Variants in CD247 observed in about 807,000 individuals in gnomAD.
CD247 encodes the protein CD247 molecule.
Under a neutral mutation model 30.0 loss-of-function variants are expected in CD247, and 13 were observed. That is an observed-to-expected ratio of 0.43 (90% CI 0.28 to 0.69). The LOEUF is 0.69. Among genes scored for constraint, CD247 ranks in the 30% least tolerant of loss-of-function variants. The pLI, the probability that CD247 is intolerant of heterozygous loss-of-function variation, is 0.16. For missense variants in CD247, 193 were observed against 212.6 expected (o/e 0.91, Z 0.57); for synonymous variants, 72 against 80.0 (o/e 0.90, Z 0.53).
At chr1:167,474,022 C>A (rs1653646981) in intron 1 of CD247, among the ~76,000 whole-genome samples, 1 of 152,128 alleles carries the variant, frequency 6.6e-6, no homozygotes, top group African/African-American at 2.4e-5. Flanking sequence ...GCCTGCTCTG[C>A]ACACCCTCTC....
At chr1:167,477,571 G>A (rs1339577368) in intron 1 of CD247, among the ~76,000 whole-genome samples, 1 of 152,164 alleles carries the variant, frequency 6.6e-6, no homozygotes, top group Admixed American at 6.5e-5. Context: ...AGGCTGGAGT[G>A]CAGTGGCGCT....
chr1:167,449,452 C>A (rs548128378), intron 1 of CD247, among the ~76,000 whole-genome samples: 5 of 151,614 alleles, frequency 3.3e-5, no homozygotes, highest in Non-Finnish European at 5.9e-5. Flanking sequence ...CCGAGCCCAG[C>A]CTTTGTGATC....
chr1:167,510,541 C>G (rs1289528246), intron 1 of CD247, among the ~76,000 whole-genome samples: 4 of 152,208 alleles, frequency 2.6e-5, no homozygotes, highest in Non-Finnish European at 4.4e-5. Context: ...CCCAGGGGAA[C>G]AGGTTGCAAC....
chr1:167,472,573 A>T (rs1336049380), intron 1 of CD247, among the ~76,000 whole-genome samples: 25 of 152,218 alleles, frequency 1.6e-4, no homozygotes, highest in Admixed American at 1.4e-3. Context: ...AGTAACAACG[A>T]AGCGAAGAAT....
At chr1:167,485,450 G>C (rs1214603) in intron 1 of CD247, among the ~76,000 whole-genome samples, 38,997 of 152,010 alleles carry the variant, frequency 0.26, 5,770 homozygotes, top group African/African-American at 0.41. Flanking sequence ...GGGTGGGGAA[G>C]CTCCCATCTT....
rs577561278 is a variant in CD247, at chr1:167,487,331, G to A, written c.58+31077C>T. ...GTGGAGGTTGCAGTGAGCCGAGATCGTGCCACTGCACTCCAGCCTGAGAGA... is the reference window on the plus strand; with the variant it reads ...GTGGAGGTTGCAGTGAGCCGAGATCATGCCACTGCACTCCAGCCTGAGAGA... On this transcript the variant is annotated intron_variant, in intron 1 of 7. Transcript: ENST00000362089. 1.3e-4 allele frequency among the ~76,000 whole-genome samples: 20 copies of A among 150,208 alleles called. No individual in the cohort carries two copies. In the South Asian group the frequency reaches 1.9e-3, roughly 14 times the overall value.
rs190037664 is a variant in CD247, at chr1:167,431,690, G to A, written c.486C>T (p.Pro162=). 5.8e-5 allele frequency: 94 copies of A among 1,613,990 alleles called. No homozygotes were observed. In the Admixed American group the frequency reaches 1.5e-3, roughly 26 times the overall value. The change falls in exon 8 of 8, where the codon CCC becomes CCT. Residue 162 remains proline, a synonymous_variant. Coordinates refer to ENST00000362089, the MANE Select transcript of CD247 (RefSeq NM_198053.3). ...TYDALHMQAL[P]PR The stretch of plus-strand genomic sequence containing the variant: ...TGAAATCCCCTGGCTGTTAGCGAGG[G>A]GGCAGGGCCTGCATGTGAAGGGCGT...
At chr1:167,503,565 A>C (rs928674647) in intron 1 of CD247, among the ~76,000 whole-genome samples, 1 of 152,258 alleles carries the variant, frequency 6.6e-6, no homozygotes, top group Non-Finnish European at 1.5e-5. Flanking sequence ...ACCCTTCTTC[A>C]GTGCACTTAA....
chr1:167,443,666 G>T (rs953235151), intron 1 of CD247, among the ~76,000 whole-genome samples: 1 of 152,138 alleles, frequency 6.6e-6, no homozygotes, highest in Non-Finnish European at 1.5e-5. Flanking sequence ...CAACACAAAG[G>T]GGCAGGGGGA....
intron 1 of CD247, 134 bp from the exon 2 acceptor site, chr1:167,440,901 G>C (rs1030407942): frequency 4.7e-5 from 33 of 698,354 alleles, no homozygotes; most frequent in Non-Finnish European, 7.8e-5. Context: ...CCATGCCTCA[G>C]CCTGATCACA....
chr1:167,451,341 G>C lies in CD247; in HGVS notation c.59-10574C>G, dbSNP rs576904039. On this transcript the variant is annotated intron_variant, in intron 1 of 7. Transcript: ENST00000362089. ...TCAAAGAAAAAATTAAAGCCAACTG[G>C]AACAAGGCAAGGTTCACAGTTGCCT... is the stretch of plus-strand genomic sequence containing the variant. 1.7e-4 allele frequency among the ~76,000 whole-genome samples: 26 copies of C among 152,248 alleles called. 2 individuals carry two copies. Among genetic ancestry groups the C allele is most frequent in the Admixed American group, 1.6e-3 (24 of 15,298 alleles).
chr1:167,501,212 C>T (rs1275517009), intron 1 of CD247, among the ~76,000 whole-genome samples: 1 of 151,998 alleles, frequency 6.6e-6, no homozygotes, highest in Non-Finnish European at 1.5e-5. Flanking sequence ...GCCACCACAC[C>T]TGGCTAATTT....
chr1:167,484,059 C>T (rs1265264690), intron 1 of CD247, among the ~76,000 whole-genome samples: 1 of 152,220 alleles, frequency 6.6e-6, no homozygotes, highest in African/African-American at 2.4e-5. Flanking sequence ...AATGGTGGGC[C>T]AGGCCGGGGG....
intron 1 of CD247, among the ~76,000 whole-genome samples, chr1:167,498,129 C>T (rs1296899671): frequency 6.6e-6 from 1 of 152,186 alleles, no homozygotes; most frequent in African/African-American, 2.4e-5. Context: ...CAGTCCTGGC[C>T]AAAGGCAGTG....
At chr1:167,465,150 C>T (rs1414695966) in intron 1 of CD247, among the ~76,000 whole-genome samples, 1 of 152,032 alleles carries the variant, frequency 6.6e-6, no homozygotes, top group Non-Finnish European at 1.5e-5. Context: ...CCTATCCAGA[C>T]AGAGAATCAT....
intron 7 of CD247, among the ~76,000 whole-genome samples, chr1:167,432,517 C>A (rs554539438): frequency 1.3e-5 from 2 of 152,302 alleles, no homozygotes; most frequent in African/African-American, 4.8e-5. Context: ...GTAGTTTGAC[C>A]GTGCTTAGTT....
chr1:167,507,326 C>G (rs1339026861), intron 1 of CD247, among the ~76,000 whole-genome samples: 1 of 151,818 alleles, frequency 6.6e-6, no homozygotes, highest in Non-Finnish European at 1.5e-5. Flanking sequence ...TTGAAGGACT[C>G]TACAGGGAAA....
intron 1 of CD247, among the ~76,000 whole-genome samples, chr1:167,509,720 C>T (rs940191474): frequency 6.6e-6 from 1 of 152,128 alleles, no homozygotes; most frequent in African/African-American, 2.4e-5. Flanking sequence ...AATTTTCCAC[C>T]TGCTTGTGTC....
At chr1:167,449,123 C>T (rs1319724008) in intron 1 of CD247, among the ~76,000 whole-genome samples, 3 of 139,932 alleles carry the variant, frequency 2.1e-5, no homozygotes, top group Non-Finnish European at 3.1e-5. Flanking sequence ...ATGTTTTGAG[C>T]GATACTTTGT....
Sources: allele counts gnomAD v4.1 joint callset (sites outside exome capture counted in the v4.1 genomes callset), GRCh38; gene constraint gnomAD v4.1.1; transcripts MANE v1.5; gene names NCBI Gene and HGNC (gene_info 2026-07-23, HGNC 2026-07-21).